POFUT3: variants seen among roughly 807,000 people sequenced by gnomAD.
POFUT3 encodes protein O-fucosyltransferase 3.
the POFUT3 span, among the ~76,000 whole-genome samples, chr8:33,315,749 A>G: frequency 5.9e-5 from 9 of 152,176 alleles, no homozygotes; most frequent in South Asian, 8.3e-4. Context: ...TAGCATTTGA[A>G]TAATAAGACC....
chr8:33,470,413 C>T, the POFUT3 span, among the ~76,000 whole-genome samples: 1 of 152,178 alleles, frequency 6.6e-6, no homozygotes. Context: ...GAGCTAGACC[C>T]TGTCTCAAAA....
the POFUT3 span, among the ~76,000 whole-genome samples, chr8:33,323,523 G>A: frequency 5.9e-5 from 9 of 152,134 alleles, no homozygotes; most frequent in Non-Finnish European, 1.3e-4. Flanking sequence ...CAAAGAAAGG[G>A]GACCCTGATA....
At chr8:33,461,190 G>C in the POFUT3 span, among the ~76,000 whole-genome samples, 1,579 of 19,306 alleles carry the variant, frequency 0.082, 69 homozygotes, top group African/African-American at 0.27. Context: ...AGGAAGGAAG[G>C]AAGGGAGGGA....
the POFUT3 span, among the ~76,000 whole-genome samples, chr8:33,336,497 C>T: frequency 2.6e-5 from 4 of 152,120 alleles, no homozygotes; most frequent in African/African-American, 4.8e-5. Context: ...ACAACCAGCT[C>T]GCACATCTTT....
At chr8:33,372,650 G>T in the POFUT3 span, 1 of 1,614,036 alleles carries the variant, frequency 6.2e-7, no homozygotes, top group Non-Finnish European at 8.5e-7. Flanking sequence ...CCACCTTAGT[G>T]CCTGGGCTTC....
chr8:33,320,213 A>T, the POFUT3 span, among the ~76,000 whole-genome samples: 1 of 152,044 alleles, frequency 6.6e-6, no homozygotes, highest in Non-Finnish European at 1.5e-5. Flanking sequence ...GAAGGGGGGC[A>T]TCTGATACAC....
chr8:33,346,163 GAAAA>G, the POFUT3 span, among the ~76,000 whole-genome samples: 1 of 138,426 alleles, frequency 7.2e-6, no homozygotes, highest in South Asian at 2.6e-4. Flanking sequence ...GCAGTGGAAA[GAAAA>G]AAAAAAAAAA....
chr8:33,387,094 T>G, the POFUT3 span, among the ~76,000 whole-genome samples: 4 of 152,156 alleles, frequency 2.6e-5, no homozygotes, highest in East Asian at 1.9e-4. Flanking sequence ...TGGGTGGGTG[T>G]GTGTGTGTTT....
At chr8:33,454,960 C>A in the POFUT3 span, among the ~76,000 whole-genome samples, 131 of 152,210 alleles carry the variant, frequency 8.6e-4, no homozygotes, top group Non-Finnish European at 4.4e-5. Context: ...GCCACCACGC[C>A]CAGCCAGTTT....
At chr8:33,393,145 G>A in the POFUT3 span, among the ~76,000 whole-genome samples, 53 of 152,210 alleles carry the variant, frequency 3.5e-4, 1 homozygote, top group Middle Eastern at 3.4e-3. Context: ...CAACTCCATC[G>A]CAATGCCTAC....
the POFUT3 span, among the ~76,000 whole-genome samples, chr8:33,379,914 ATATATATACAC>A: frequency 1.0e-3 from 122 of 119,934 alleles, 4 homozygotes; most frequent in African/African-American, 2.7e-3. Flanking sequence ...TATATATGCT[ATATATATACAC>A]TATATATACA....
chr8:33,452,435 C>T, the POFUT3 span: 1 of 151,850 alleles, frequency 6.6e-6, no homozygotes, highest in Non-Finnish European at 1.5e-5. Flanking sequence ...ATGAACAATG[C>T]TATAATGAAC....
the POFUT3 span, among the ~76,000 whole-genome samples, chr8:33,340,189 G>A: frequency 6.6e-6 from 1 of 152,038 alleles, no homozygotes; most frequent in Non-Finnish European, 1.5e-5. Flanking sequence ...TCGTGTATAT[G>A]TGATGTAATA....
At chr8:33,336,343 A>G in the POFUT3 span, among the ~76,000 whole-genome samples, 1 of 152,240 alleles carries the variant, frequency 6.6e-6, no homozygotes, top group Non-Finnish European at 1.5e-5. Flanking sequence ...ACAGAGAGAA[A>G]TAACCTCCAG....
the POFUT3 span, among the ~76,000 whole-genome samples, chr8:33,322,931 CA>C: frequency 6.6e-6 from 1 of 151,708 alleles, no homozygotes; most frequent in East Asian, 1.9e-4. Context: ...TGGGTTTTCC[CA>C]ATAAGTGGAG....
chr8:33,325,970 A>G, the POFUT3 span, among the ~76,000 whole-genome samples: 1 of 152,268 alleles, frequency 6.6e-6, no homozygotes, highest in African/African-American at 2.4e-5. Context: ...GCAGTTGTTC[A>G]CTAGGCAGAC....
the POFUT3 span, among the ~76,000 whole-genome samples, chr8:33,357,696 C>T: frequency 2.0e-5 from 3 of 152,022 alleles, no homozygotes; most frequent in African/African-American, 4.8e-5. Context: ...TGCACATACA[C>T]GTGCACATAC....
At chr8:33,377,840 T>A in the POFUT3 span, among the ~76,000 whole-genome samples, 1 of 152,094 alleles carries the variant, frequency 6.6e-6, no homozygotes, top group African/African-American at 2.4e-5. Context: ...ATACAGATAA[T>A]CCTTGAATTC....
chr8:33,366,735 T>C, the POFUT3 span, among the ~76,000 whole-genome samples: 1 of 152,198 alleles, frequency 6.6e-6, no homozygotes, highest in Non-Finnish European at 1.5e-5. Context: ...TCTCTTAAAG[T>C]GACAGGCTCA....
Sources: gnomAD v4.1 joint callset for allele counts (sites outside exome capture counted in the v4.1 genomes callset) on GRCh38, gnomAD v4.1.1 for gene constraint, MANE v1.5 for transcripts, NCBI Gene and HGNC (gene_info 2026-07-23, HGNC 2026-07-21) for gene names.